The following MRPL22 variants were observed in gnomAD, a reference collection of about 807,000 sequenced individuals.
MRPL22 encodes the protein large ribosomal subunit protein uL22m.
A neutral mutation model predicts 32.4 loss-of-function variants in MRPL22; 27 were observed. The observed-to-expected ratio is 0.83, with a 90% confidence interval of 0.61 to 1.15. The LOEUF (loss-of-function observed/expected upper bound fraction) is 1.15. Among genes scored for constraint, MRPL22 ranks in the 50% most tolerant of loss-of-function variants. The pLI is 0.00. For missense variants in MRPL22, 239 were observed against 260.2 expected, an observed-to-expected ratio of 0.92 and a Z score of 0.56; for synonymous variants, 86 against 87.3, an observed-to-expected ratio of 0.99 and a Z score of 0.08.
chr5:154,947,770 T>C (rs1174912758), intron 2 of MRPL22, among the ~76,000 whole-genome samples: 2 of 152,204 alleles, frequency 1.3e-5, no homozygotes, highest in African/African-American at 2.4e-5. Flanking sequence ...GATAGTACAG[T>C]GGTCTAAGTC....
chr5:154,943,440 AG>A (rs1357361916), intron 2 of MRPL22, among the ~76,000 whole-genome samples: 1 of 152,032 alleles, frequency 6.6e-6, no homozygotes, highest in African/African-American at 2.4e-5. Context: ...AAATAAACTA[AG>A]GGAAGTTGTC....
intron 2 of MRPL22, among the ~76,000 whole-genome samples, chr5:154,948,697 T>C (rs1764523330): frequency 6.6e-6 from 1 of 152,212 alleles, no homozygotes; most frequent in South Asian, 2.1e-4. Context: ...CTATAATAAT[T>C]TGCTATTCCT....
chr5:154,965,368 A>G (rs965407928), intron 6 of MRPL22, among the ~76,000 whole-genome samples: 1 of 152,182 alleles, frequency 6.6e-6, no homozygotes, highest in African/African-American at 2.4e-5. Context: ...AGTAGAAGGT[A>G]GATGGCTACT....
chr5:154,956,949 A>G (rs1205774100), intron 4 of MRPL22, 186 bp from the exon 5 acceptor site: 2 of 559,836 alleles, frequency 3.6e-6, no homozygotes, highest in Non-Finnish European at 3.2e-6. Flanking sequence ...TTTATGGTTA[A>G]AATGTTTGTT....
Position 154,966,752 on chromosome 5 carries a change from G to C in MRPL22, c.476G>C (p.Gly159Ala). ...CGCTACCATGGCAGAGGTCGCTTTGGGATCATGGAGAAGGTTTATTGCCAT... is the reference window on the plus strand; with the variant it reads ...CGCTACCATGGCAGAGGTCGCTTTGCGATCATGGAGAAGGTTTATTGCCAT... ...RIRYHGRGRF[G>A]IMEKVYCHYF... The change falls in exon 7 of 7, where the codon GGG (glycine) becomes GCG (alanine). Residue 159 changes from glycine (G) to alanine (A), a missense_variant. Physicochemically the swap from Gly to Ala is moderately conservative, Grantham distance 60. Coordinates refer to ENST00000523037, the MANE Select transcript of MRPL22 (RefSeq NM_014180.4). 6.2e-7 allele frequency: 1 copy of C among 1,614,194 alleles called. No individual in the cohort carries two copies. The highest frequency in any genetic ancestry group is 8.5e-7 in the Non-Finnish European group (1 of 1,180,042).
At chr5:154,955,103 T>C (rs1223832944) in intron 3 of MRPL22, 1 of 152,236 alleles carries the variant, frequency 6.6e-6, no homozygotes, top group Non-Finnish European at 1.5e-5. Flanking sequence ...AAGGGTCTCT[T>C]CTATATGAAA....
chr5:154,962,416 T>G (rs1204002478), intron 6 of MRPL22, among the ~76,000 whole-genome samples: 1 of 152,244 alleles, frequency 6.6e-6, no homozygotes, highest in Non-Finnish European at 1.5e-5. Context: ...CTGATTTATC[T>G]TACTGTGTTC....
intron 2 of MRPL22, among the ~76,000 whole-genome samples, chr5:154,946,890 TCAAA>T (rs1307746412): frequency 6.6e-6 from 1 of 152,128 alleles, no homozygotes; most frequent in Non-Finnish European, 1.5e-5. Context: ...ACTCCTGGCC[TCAAA>T]CAGTCCTCCT....
chr5:154,956,952 T>C, intron 4 of MRPL22, 183 bp from the exon 5 acceptor site: 2 of 564,478 alleles, frequency 3.5e-6, no homozygotes, highest in South Asian at 4.8e-5. Context: ...ATGGTTAAAA[T>C]GTTTGTTTCA....
At chr5:154,951,630 G>A (rs1357790649) in intron 3 of MRPL22, among the ~76,000 whole-genome samples, 1 of 151,930 alleles carries the variant, frequency 6.6e-6, no homozygotes, top group Admixed American at 6.6e-5. Context: ...TTCGCCTCCC[G>A]GGTTCAAGGG....
Position 154,941,166 on chromosome 5 carries a change from A to G in MRPL22, c.28+28A>G, listed in dbSNP as rs749918881. On this transcript the variant is annotated intron_variant, in intron 1 of 6. Coordinates refer to ENST00000523037, the MANE Select transcript of MRPL22 (RefSeq NM_014180.4). ...AAGGATTTCTTAGTGGTTAAGCGAC[A>G]GAAGGGAGTCGAGATGGAATCTGAG... is the stretch of plus-strand genomic sequence containing the variant. The G allele has an allele frequency of 3.1e-6, 5 of 1,614,162 alleles. No homozygotes were observed. In the Admixed American group the frequency reaches 5.0e-5, roughly 16 times the overall value.
intron 3 of MRPL22, among the ~76,000 whole-genome samples, chr5:154,951,198 G>C (rs991847511): frequency 1.1e-4 from 16 of 152,224 alleles, no homozygotes; most frequent in Non-Finnish European, 1.9e-4. Context: ...TTTTGACTCT[G>C]AGAGGCTTGC....
In MRPL22 at chr5:154,941,121, C is replaced by A. The variant is rs535262769; in HGVS notation, c.11C>A (p.Ala4Glu). Residue 4 changes from alanine (A) to glutamate (E), a missense_variant, in exon 1 of 7, where the codon GCA becomes GAA. Ala to Glu is a moderately radical substitution (Grantham distance 107). Transcript: ENST00000523037. MAA[A>E]VLGQLGALWI... ...GCGGGAGGGCGAAAGATGGCGGCGG[C>A]AGTACTGGGACAGTTGGGTAAGGAT... 1.3e-5 allele frequency: 21 copies of A among 1,613,846 alleles called. No individual in the cohort carries two copies. Among genetic ancestry groups the A allele is most frequent in the Non-Finnish European group, 1.8e-5 (21 of 1,180,042 alleles).
chr5:154,957,206 T>TA lies in MRPL22; in HGVS notation c.336dup (p.Glu113ArgfsTer15). 6.2e-7 allele frequency: 1 copy of TA among 1,612,356 alleles called. No individual in the cohort carries two copies. The highest frequency in any genetic ancestry group is 1.1e-5 in the South Asian group (1 of 91,044). On this transcript the variant is annotated frameshift_variant, in exon 5 of 7. Transcript: ENST00000523037. LOFTEE classifies it high-confidence loss of function. ...ATGACAAAAAAGGGGCCAAAATAAT[T>TA]AAAGAGGTAAACTTACAAGTTTGGG...
In MRPL22 at chr5:154,966,995, A is replaced by C; in HGVS notation, c.*98A>C. The stretch of plus-strand genomic sequence containing the variant: ...AATGCTTTTTATGATTTCTCATTGA[A>C]TTATTGAAACAGTGTATAACTGCTA... On this transcript the variant is annotated 3_prime_UTR_variant, in exon 7 of 7. Transcript: ENST00000523037. 1 of 1,256,526 alleles carries C rather than the reference A, an allele frequency of 8.0e-7. No individual in the cohort carries two copies. The highest frequency in any genetic ancestry group is 1.1e-6 in the Non-Finnish European group (1 of 917,056). 77.8% of individuals were successfully genotyped at this position (1,256,526 alleles called of 1,614,324 possible).
Position 154,967,119 on chromosome 5 carries a change from A to G in MRPL22, c.*222A>G, listed in dbSNP as rs767867048. On this transcript the variant is annotated 3_prime_UTR_variant, in exon 7 of 7. Coordinates refer to ENST00000523037, the MANE Select transcript of MRPL22 (RefSeq NM_014180.4). This position sits in a 1 kb window ranked among gnomAD's most constrained non-coding sequence, Gnocchi z 4.7. ...TTGGAAGGGGAAATCAGCTTTAAAC[A>G]TAGTAACAGACTATATTTCAAAAGG... The G allele has an allele frequency of 3.6e-6, 2 of 556,656 alleles. No individual in the cohort carries two copies. The highest frequency in any genetic ancestry group is 3.1e-6 in the Non-Finnish European group (1 of 318,656). 34.5% of individuals were successfully genotyped at this position (556,656 alleles called of 1,614,324 possible). A position where few individuals can be genotyped will look rare whatever the true frequency, so the allele number is the denominator to read the frequency against.
chr5:154,963,925 ACATG>A (rs1764733831), intron 6 of MRPL22, among the ~76,000 whole-genome samples: 1 of 152,154 alleles, frequency 6.6e-6, no homozygotes, highest in Admixed American at 6.5e-5. Context: ...GGGTGGCCAT[ACATG>A]CAGAGGCACA....
chr5:154,945,287 G>A (rs1156983599), intron 2 of MRPL22, among the ~76,000 whole-genome samples: 2 of 152,166 alleles, frequency 1.3e-5, no homozygotes, highest in Admixed American at 6.5e-5. Context: ...CATTGGATGG[G>A]AGGTGTGAGA....
intron 4 of MRPL22, 55 bp from the exon 5 acceptor site, chr5:154,957,080 A>G: frequency 6.8e-7 from 1 of 1,467,934 alleles, no homozygotes; most frequent in South Asian, 1.2e-5. Context: ...TGAAAAGGAA[A>G]CATTGACTTT....
Sources: gnomAD v4.1 joint callset for allele counts (sites outside exome capture counted in the v4.1 genomes callset) on GRCh38, gnomAD v4.1.1 for gene constraint, Gnocchi (gnomAD v3.1) non-coding constraint, MANE v1.5 for transcripts, NCBI Gene and HGNC (gene_info 2026-07-23, HGNC 2026-07-21) for gene names.